RSRC2: variants seen among roughly 807,000 people sequenced by gnomAD.
The protein encoded by RSRC2 is arginine/serine-rich coiled-coil protein 2.
RSRC2 carries 5 observed loss-of-function variants against 61.3 expected under a neutral mutation model. The observed-to-expected ratio is 0.08, with a 90% CI of 0.04 to 0.17. The LOEUF is 0.17. Among genes scored for constraint, RSRC2 ranks in the 10% least tolerant of loss-of-function variants. RSRC2 has a pLI of 1.00. For synonymous variants in RSRC2, 202 were observed against 166.5 expected, an observed-to-expected ratio of 1.21 and a Z score of -1.64; for missense variants, 381 against 518.8, an observed-to-expected ratio of 0.73 and a Z score of 2.58.
intron 6 of RSRC2, among the ~76,000 whole-genome samples, chr12:122,514,366 G>A (rs893590227): frequency 6.7e-6 from 1 of 150,290 alleles, no homozygotes; most frequent in Non-Finnish European, 1.5e-5. Flanking sequence ...ATGGGTTCAA[G>A]CGATTCTCGT....
At chr12:122,514,992 C>T in intron 6 of RSRC2, 113 bp downstream of exon 6, 1 of 1,162,924 alleles carries the variant, frequency 8.6e-7, no homozygotes, top group Non-Finnish European at 1.2e-6. Flanking sequence ...AATATGCCAC[C>T]ATATTACTAA....
chr12:122,510,234 C>T (rs1049037180), intron 7 of RSRC2, among the ~76,000 whole-genome samples: 2 of 152,122 alleles, frequency 1.3e-5, no homozygotes, highest in Non-Finnish European at 2.9e-5. Flanking sequence ...TTTCCAAAAT[C>T]GTAAAAGACA....
chr12:122,517,981 T>G (rs149583428), intron 4 of RSRC2, among the ~76,000 whole-genome samples: 97 of 152,324 alleles, frequency 6.4e-4, no homozygotes, highest in African/African-American at 2.2e-3. Flanking sequence ...TATGATTTTT[T>G]CAGTGCCAGA....
chr12:122,522,376 G>A (rs1959345805), intron 1 of RSRC2, 77 bp from the exon 2 acceptor site: 2 of 1,364,430 alleles, frequency 1.5e-6, no homozygotes, highest in East Asian at 2.5e-5. Context: ...GAGGGACAAA[G>A]GGAGGGAAGA....
intron 7 of RSRC2, among the ~76,000 whole-genome samples, chr12:122,510,525 T>TAAC (rs111392806): frequency 0.04 from 6,096 of 152,138 alleles, 376 homozygotes; most frequent in African/African-American, 0.13. Context: ...CGAGACTCCG[T>TAAC]AACAACAACA....
intron 2 of RSRC2, 47 bp downstream of exon 2, chr12:122,522,096 A>C: frequency 1.3e-6 from 2 of 1,559,170 alleles, no homozygotes; most frequent in Non-Finnish European, 1.7e-6. Flanking sequence ...AGGTCTACAT[A>C]TCTTATACAA....
intron 8 of RSRC2, chr12:122,507,857 C>T (rs1237055024): frequency 7.5e-6 from 2 of 267,790 alleles, no homozygotes; most frequent in East Asian, 9.2e-5. Context: ...GGCTAAGTGG[C>T]ATGATCTTGG....
chr12:122,514,806 A>G, intron 6 of RSRC2: 1 of 838,020 alleles, frequency 1.2e-6, no homozygotes. Context: ...ACCAGATTTA[A>G]GACTCAAAAA....
rs1218199698 is a variant in RSRC2, at chr12:122,505,069, T to C, written c.*458A>G. The stretch of plus-strand genomic sequence containing the variant: ...ATTAACACCAGTTTTGAGAAAACCA[T>C]TTTTATTATCATTACCACCCAGCTT... On this transcript the variant is annotated 3_prime_UTR_variant, in exon 10 of 10. Transcript: ENST00000331738. The C allele has an allele frequency of 6.5e-6, 1 of 152,968 alleles. No individual in the cohort carries two copies. Among genetic ancestry groups the C allele is most frequent in the Non-Finnish European group, 1.5e-5 (1 of 68,272 alleles). 9.5% of individuals were successfully genotyped at this position (152,968 alleles called of 1,614,324 possible).
At chr12:122,509,500 T>C (rs1478795354) in intron 7 of RSRC2, among the ~76,000 whole-genome samples, 4 of 150,218 alleles carry the variant, frequency 2.7e-5, no homozygotes, top group Non-Finnish European at 4.4e-5. Flanking sequence ...ACAACAACAG[T>C]ATGCAGGTAT....
At position 122,515,088 on chromosome 12, in the gene RSRC2, T is replaced by A; in HGVS notation, c.725+17A>T. The stretch of plus-strand genomic sequence containing the variant: ...TTAAAGGCGAACTGGAACAAATGAA[T>A]TAAGAAATATACACACCTTCTAGCT... On this transcript the variant is annotated intron_variant, in intron 6 of 9. Coordinates refer to ENST00000331738, the MANE Select transcript of RSRC2 (RefSeq NM_023012.6). 6.2e-7 allele frequency: 1 copy of A among 1,604,574 alleles called. No individual in the cohort carries two copies. Among genetic ancestry groups the A allele is most frequent in the Non-Finnish European group, 8.5e-7 (1 of 1,177,072 alleles).
At chr12:122,519,905 T>C (rs1959173496) in intron 3 of RSRC2, 1 of 152,690 alleles carries the variant, frequency 6.5e-6, no homozygotes, top group Admixed American at 6.5e-5. Flanking sequence ...ATTCATCTTG[T>C]AGTGAAAGTT....
intron 6 of RSRC2, among the ~76,000 whole-genome samples, chr12:122,512,482 C>T (rs1206716402): frequency 6.6e-6 from 1 of 152,108 alleles, no homozygotes; most frequent in Non-Finnish European, 1.5e-5. Context: ...AATTCCAACA[C>T]TATGGGAGGC....
chr12:122,525,804 T>TG (rs1593439382), intron 1 of RSRC2, among the ~76,000 whole-genome samples: 2 of 48,230 alleles, frequency 4.1e-5, no homozygotes, highest in Non-Finnish European at 8.5e-5. Flanking sequence ...ACGAAGAGTT[T>TG]TTTTTTTTTT....
chr12:122,524,182 G>A (rs1354059590), intron 1 of RSRC2, among the ~76,000 whole-genome samples: 1 of 152,000 alleles, frequency 6.6e-6, no homozygotes, highest in Non-Finnish European at 1.5e-5. Flanking sequence ...TATCTTTACT[G>A]TTTACTACTA....
chr12:122,516,941 C>A (rs1462567158), intron 5 of RSRC2, among the ~76,000 whole-genome samples: 1 of 152,168 alleles, frequency 6.6e-6, no homozygotes, highest in Non-Finnish European at 1.5e-5. Context: ...AATCTGCTCG[C>A]CTCGTTGTGA....
In RSRC2 at chr12:122,506,818, C is replaced by T. The variant is rs1419436158; in HGVS notation, c.1125+16G>A. Reference sequence around the variant, plus strand: ...AATAGCTAATACAAAGATCCCCTGGCACATGTGAAACTCACCTTAATACCC... The same window carrying T: ...AATAGCTAATACAAAGATCCCCTGGTACATGTGAAACTCACCTTAATACCC... On this transcript the variant is annotated intron_variant, in intron 9 of 9. Coordinates refer to ENST00000331738, the MANE Select transcript of RSRC2 (RefSeq NM_023012.6). 4 of 1,452,604 alleles carry T rather than the reference C, an allele frequency of 2.8e-6. No homozygotes were observed. The highest frequency in any genetic ancestry group is 2.8e-5 in the African/African-American group (2 of 71,478). The allele number at this position is 1,452,604 out of a possible 1,614,324, so 90.0% of individuals were successfully genotyped here.
At chr12:122,512,009 T>C (rs111742617) in intron 6 of RSRC2, among the ~76,000 whole-genome samples, 2 of 152,226 alleles carry the variant, frequency 1.3e-5, no homozygotes, top group Non-Finnish European at 2.9e-5. Context: ...GTTTCACCAA[T>C]GTTGGTCAGC....
Position 122,510,204 on chromosome 12 carries a change from A to T in RSRC2, c.805+905T>A, listed in dbSNP as rs536108587. On this transcript the variant is annotated intron_variant, in intron 7 of 9. Coordinates refer to ENST00000331738, the MANE Select transcript of RSRC2 (RefSeq NM_023012.6). ...AGAAATACATATTTCAGATCAGTTC[A>T]CTTTCTTGCATAAACTACATTTCCA... Among the ~76,000 whole-genome samples, 6 of 152,310 alleles carry T rather than the reference A, an allele frequency of 3.9e-5. No individual in the cohort carries two copies. In the South Asian group the frequency reaches 8.3e-4, roughly 21 times the overall value.
Sources: allele counts gnomAD v4.1 joint callset (sites outside exome capture counted in the v4.1 genomes callset), GRCh38; gene constraint gnomAD v4.1.1; transcripts MANE v1.5; gene names NCBI Gene and HGNC (gene_info 2026-07-23, HGNC 2026-07-21).